The following BLOC1S2 variants were observed in gnomAD, a reference collection of about 807,000 sequenced individuals.
BLOC1S2 encodes the protein biogenesis of lysosomal organelles complex 1 subunit 2.
A neutral mutation model predicts 19.6 loss-of-function variants in BLOC1S2; 12 were observed. The ratio of observed to expected loss-of-function variants is 0.61; its 90% confidence interval spans 0.39 to 0.99. The LOEUF (loss-of-function observed/expected upper bound fraction) is 0.99, where lower values mean the gene tolerates loss of function less well. BLOC1S2 is among the 50% of genes least tolerant of loss of function. The pLI is 0.00. For synonymous variants in BLOC1S2, 66 were observed against 64.1 expected, an observed-to-expected ratio of 1.03 and a Z score of -0.14; for missense variants, 142 against 171.0, an observed-to-expected ratio of 0.83 and a Z score of 0.95.
intron 4 of BLOC1S2, among the ~76,000 whole-genome samples, chr10:100,276,375 G>A (rs1564871000): frequency 3.9e-4 from 6 of 15,458 alleles, no homozygotes; most frequent in Admixed American, 1.4e-3. Context: ...TCCCTCTCCC[G>A]TCTCCCTCTC....
At chr10:100,277,554 TG>T (rs1242025220) in intron 4 of BLOC1S2, among the ~76,000 whole-genome samples, 1 of 65,176 alleles carries the variant, frequency 1.5e-5, no homozygotes, top group Admixed American at 1.5e-4. Flanking sequence ...GGGAGGGAGG[TG>T]GGGGGGTCAG....
intron 2 of BLOC1S2, among the ~76,000 whole-genome samples, chr10:100,285,844 T>C (rs1848220108): frequency 6.6e-6 from 1 of 152,210 alleles, no homozygotes. Context: ...AAATACACTT[T>C]CCCCAAGGAA....
At position 100,273,650 on chromosome 10, in the gene BLOC1S2, C is replaced by A. The variant is rs1847779003; in HGVS notation, c.*1812G>T. 1 of 152,056 alleles carries A rather than the reference C, an allele frequency of 6.6e-6. No homozygotes were observed. The highest frequency in any genetic ancestry group is 1.5e-5 in the Non-Finnish European group (1 of 68,036). The allele number at this position is 152,056 out of a possible 1,614,324, so 9.4% of individuals were successfully genotyped here. On this transcript the variant is annotated 3_prime_UTR_variant, in exon 5 of 5. Coordinates refer to ENST00000370372, the MANE Select transcript of BLOC1S2 (RefSeq NM_173809.5). ...AGGAGTTCGAGACCAGCCTGGCCAA[C>A]ATGGTGAAACCCCGTCTCTACTAAA...
At chr10:100,286,462 A>G (rs1848243932) in intron 1 of BLOC1S2, 143 bp downstream of exon 1, 2 of 1,486,190 alleles carry the variant, frequency 1.3e-6, no homozygotes, top group South Asian at 1.3e-5. Flanking sequence ...CCCTGACAGG[A>G]CAAACACTCG....
intron 4 of BLOC1S2, among the ~76,000 whole-genome samples, chr10:100,277,560 G>A (rs1847940252): frequency 1.7e-5 from 2 of 120,504 alleles, no homozygotes; most frequent in Admixed American, 7.6e-5. Context: ...GAGGTGGGGG[G>A]GTCAGCCCCC....
At chr10:100,277,698 A>T in intron 4 of BLOC1S2, among the ~76,000 whole-genome samples, 1 of 120,742 alleles carries the variant, frequency 8.3e-6, no homozygotes, top group African/African-American at 3.2e-5. Flanking sequence ...CCCGTCCGGG[A>T]GGGAGGTGGG....
chr10:100,273,702 G>A lies in BLOC1S2; in HGVS notation c.*1760C>T, dbSNP rs1347715406. 6.6e-6 allele frequency: 1 copy of A among 151,986 alleles called. No individual in the cohort carries two copies. The highest frequency in any genetic ancestry group is 1.5e-5 in the Non-Finnish European group (1 of 68,034). 9.4% of individuals were successfully genotyped at this position (151,986 alleles called of 1,614,324 possible). On this transcript the variant is annotated 3_prime_UTR_variant, in exon 5 of 5. Coordinates refer to ENST00000370372, the MANE Select transcript of BLOC1S2 (RefSeq NM_173809.5). ...ATACAAAAATTAGCCTGGCATGGTGGTGGGCACCTGTAAATCTCAACTACT... is the reference window on the plus strand; with the variant it reads ...ATACAAAAATTAGCCTGGCATGGTGATGGGCACCTGTAAATCTCAACTACT...
At chr10:100,278,214 G>T (rs12774189) in intron 4 of BLOC1S2, among the ~76,000 whole-genome samples, 6,467 of 140,214 alleles carry the variant, frequency 0.046, 218 homozygotes, top group African/African-American at 0.077. Flanking sequence ...GAGGTGGGGG[G>T]GTCAGCCCCC....
intron 2 of BLOC1S2, among the ~76,000 whole-genome samples, chr10:100,284,532 C>T (rs959412641): frequency 4.6e-5 from 7 of 152,304 alleles, no homozygotes; most frequent in African/African-American, 1.4e-4. Flanking sequence ...CCCTCCATCA[C>T]CCAGGCTGGA....
chr10:100,282,870 AG>A (rs1848143119), intron 2 of BLOC1S2: 1 of 398,530 alleles, frequency 2.5e-6, no homozygotes, highest in Non-Finnish European at 4.4e-6. Context: ...TGCACCATAC[AG>A]GCATTCCCTG....
chr10:100,281,098 A>G (rs1192566981), intron 2 of BLOC1S2, 45 bp from the exon 3 acceptor site: 1 of 1,602,684 alleles, frequency 6.2e-7, no homozygotes. Context: ...GATTTGTCTT[A>G]AATCATTAGA....
At position 100,274,813 on chromosome 10, in the gene BLOC1S2, T is replaced by C. The variant is rs1433255771; in HGVS notation, c.*649A>G. On this transcript the variant is annotated 3_prime_UTR_variant, in exon 5 of 5. Transcript: ENST00000370372. Reference sequence around the variant, plus strand: ...CATCACATTTCCCAAACTGATCGCATGTCAATGTGACTCACATAGAAAATA... The same window carrying C: ...CATCACATTTCCCAAACTGATCGCACGTCAATGTGACTCACATAGAAAATA... 69 of 396,556 alleles carry C rather than the reference T, an allele frequency of 1.7e-4. No individual in the cohort carries two copies. In the East Asian group the frequency reaches 2.3e-3, roughly 13 times the overall value. The allele number at this position is 396,556 out of a possible 1,614,324, so 24.6% of individuals were successfully genotyped here. A position where few individuals can be genotyped will look rare whatever the true frequency, so the allele number is the denominator to read the frequency against.
At chr10:100,276,846 T>A (rs7914900) in intron 4 of BLOC1S2, among the ~76,000 whole-genome samples, 8,747 of 94,398 alleles carry the variant, frequency 0.093, no homozygotes, top group East Asian at 0.18. Flanking sequence ...TGATCTCGGC[T>A]CGCTATGGCC....
rs1847938348 is a variant in BLOC1S2, at chr10:100,277,536, TC to T, written c.398-2044del. 4.4e-5 allele frequency among the ~76,000 whole-genome samples: 2 copies of T among 44,946 alleles called. 1 individual carries two copies. The highest frequency in any genetic ancestry group is 8.2e-5 in the Non-Finnish European group (2 of 24,408). The allele number at this position is 44,946 out of a possible 152,430, so 29.5% of individuals were successfully genotyped here. ...GGTCAGCCCCCCGCCTGGCCAGCTG[TC>T]CCGTCCGGGAGGGAGGTGGGGGGGT... On this transcript the variant is annotated intron_variant, in intron 4 of 4. Coordinates refer to ENST00000370372, the MANE Select transcript of BLOC1S2 (RefSeq NM_173809.5).
chr10:100,273,880 AG>A lies in BLOC1S2; in HGVS notation c.*1581del, dbSNP rs1486694314. The A allele has an allele frequency of 3.3e-5, 5 of 152,012 alleles. No individual in the cohort carries two copies. Among genetic ancestry groups the A allele is most frequent in the African/African-American group, 1.2e-4 (5 of 41,410 alleles). 9.4% of individuals were successfully genotyped at this position (152,012 alleles called of 1,614,324 possible). A position where few individuals can be genotyped will look rare whatever the true frequency, so the allele number is the denominator to read the frequency against. The stretch of plus-strand genomic sequence containing the variant: ...ATCAATACATGCACGGAAAAGGAAA[AG>A]GGTTGGAAGAAGGGGTAAGACTGAT... On this transcript the variant is annotated 3_prime_UTR_variant, in exon 5 of 5. Transcript: ENST00000370372.
At position 100,275,273 on chromosome 10, in the gene BLOC1S2, T is replaced by C; in HGVS notation, c.*189A>G. Reference sequence around the variant, plus strand: ...GTTATAAGTGTGAGATTCTGAGGGATTCTGTCTCAAAGAAGGTTCAGGAAT... The same window carrying C: ...GTTATAAGTGTGAGATTCTGAGGGACTCTGTCTCAAAGAAGGTTCAGGAAT... On this transcript the variant is annotated 3_prime_UTR_variant, in exon 5 of 5. Coordinates refer to ENST00000370372, the MANE Select transcript of BLOC1S2 (RefSeq NM_173809.5). The C allele has an allele frequency of 3.7e-6, 2 of 534,520 alleles. No homozygotes were observed. Among genetic ancestry groups the C allele is most frequent in the East Asian group, 2.8e-5 (1 of 35,718 alleles). 33.1% of individuals were successfully genotyped at this position (534,520 alleles called of 1,614,324 possible). A position where few individuals can be genotyped will look rare whatever the true frequency, so the allele number is the denominator to read the frequency against.
At chr10:100,277,494 CGGG>C (rs1213458702) in intron 4 of BLOC1S2, among the ~76,000 whole-genome samples, 1 of 117,052 alleles carries the variant, frequency 8.5e-6, no homozygotes, top group Non-Finnish European at 1.8e-5. Flanking sequence ...CCGTCCCGTC[CGGG>C]AGGGAGGTGG....
chr10:100,278,145 G>A (rs1483341462), intron 4 of BLOC1S2, among the ~76,000 whole-genome samples: 6 of 142,070 alleles, frequency 4.2e-5, no homozygotes, highest in Non-Finnish European at 9.2e-5. Flanking sequence ...CAGCCACCCC[G>A]TCTGGGAGGG....
Position 100,279,345 on chromosome 10 carries a change from T to C in BLOC1S2, c.397+779A>G, listed in dbSNP as rs577112496. Among the ~76,000 whole-genome samples, 225 of 152,340 alleles carry C rather than the reference T, an allele frequency of 1.5e-3. 1 individual carries two copies. The highest frequency in any genetic ancestry group is 3.4e-3 in the Middle Eastern group (1 of 294). On this transcript the variant is annotated intron_variant, in intron 4 of 4. Coordinates refer to ENST00000370372, the MANE Select transcript of BLOC1S2 (RefSeq NM_173809.5). ...GAGCTTTGTAAGCAAACAGACCTGC[T>C]TAGAAATATGGCTCTTCCCTGTACT...
Sources: gnomAD v4.1 joint callset for allele counts (sites outside exome capture counted in the v4.1 genomes callset) on GRCh38, gnomAD v4.1.1 for gene constraint, MANE v1.5 for transcripts, NCBI Gene and HGNC (gene_info 2026-07-23, HGNC 2026-07-21) for gene names.